BLOC1S5: variants seen among roughly 807,000 people sequenced by gnomAD.
BLOC1S5 encodes the protein biogenesis of lysosome-related organelles complex 1 subunit 5.
In BLOC1S5, 27 loss-of-function variants were observed where a neutral mutation model predicts 24.3. The ratio of observed to expected loss-of-function variants is 1.11; its 90% CI spans 0.82 to 1.53. BLOC1S5 has a LOEUF of 1.53. Among genes scored for constraint, BLOC1S5 ranks in the 40% most tolerant of loss-of-function variants. BLOC1S5 has a pLI of 0.00. For synonymous variants in BLOC1S5, 84 were observed against 74.5 expected, an observed-to-expected ratio of 1.13 and a Z score of -0.66; for missense variants, 239 against 229.4, an observed-to-expected ratio of 1.04 and a Z score of -0.27.
At chr6:8,046,433 TAAG>T (rs1319475472) in intron 2 of BLOC1S5, among the ~76,000 whole-genome samples, 4 of 152,104 alleles carry the variant, frequency 2.6e-5, no homozygotes, top group East Asian at 1.9e-4. Flanking sequence ...AAAATTAAAA[TAAG>T]AAGTTACTAA....
intron 3 of BLOC1S5, among the ~76,000 whole-genome samples, chr6:8,036,498 T>TAATAATGAATAACAATG (rs1327464878): frequency 6.6e-6 from 1 of 152,038 alleles, no homozygotes; most frequent in Non-Finnish European, 1.5e-5. Context: ...CTCAACAAAC[T>TAATAATGAATAACAATG]AATAATGAAT....
intron 2 of BLOC1S5, among the ~76,000 whole-genome samples, chr6:8,046,062 G>GT (rs1176761322): frequency 1.3e-5 from 2 of 152,158 alleles, no homozygotes; most frequent in Admixed American, 6.5e-5. Flanking sequence ...AACTTGAATT[G>GT]TATCTCCCAG....
At chr6:8,041,374 G>C (rs1416533690) in intron 2 of BLOC1S5, 106 bp from the exon 3 acceptor site, 1 of 1,153,694 alleles carries the variant, frequency 8.7e-7, no homozygotes, top group Non-Finnish European at 1.2e-6. Context: ...GTGCGGTGGT[G>C]TGATCTCAGC....
chr6:8,061,054 C>G (rs1764493304), intron 2 of BLOC1S5, among the ~76,000 whole-genome samples: 1 of 152,120 alleles, frequency 6.6e-6, no homozygotes. Flanking sequence ...TCTCAAACTC[C>G]TGACCTCAAG....
intron 3 of BLOC1S5, 104 bp downstream of exon 3, chr6:8,041,035 C>G (rs1273927845): frequency 1.2e-4 from 151 of 1,311,918 alleles, no homozygotes; most frequent in Non-Finnish European, 1.5e-4. Context: ...TGTAACTGAG[C>G]TTCCCTCTCC....
Position 8,062,611 on chromosome 6 carries a change from C to T in BLOC1S5, c.118G>A (p.Gly40Arg), listed in dbSNP as rs1425683389. 1.3e-6 allele frequency: 2 copies of T among 1,590,648 alleles called. No homozygotes were observed. Among genetic ancestry groups the T allele is most frequent in the South Asian group, 1.1e-5 (1 of 88,818 alleles). The change falls in exon 2 of 5, where the codon GGA (glycine) becomes AGA (arginine). Residue 40 changes from glycine to arginine, a missense_variant. Transcript: ENST00000397457. ...TCCAAAAGCCTTGAATGAATTTCTC[C>T]AAGATCTATAAAGATAAAATGAAAT... Reference protein sequence around the residue: ...GSAHLIIKDLGEIHSRLLDHR... With the variant: ...GSAHLIIKDLREIHSRLLDHR...
At chr6:8,053,395 G>A (rs1764197619) in intron 2 of BLOC1S5, among the ~76,000 whole-genome samples, 1 of 152,116 alleles carries the variant, frequency 6.6e-6, no homozygotes, top group South Asian at 2.1e-4. Context: ...CCAACCTTCT[G>A]CAACCACCAC....
At chr6:8,054,888 C>T (rs1424981511) in intron 2 of BLOC1S5, among the ~76,000 whole-genome samples, 1 of 152,174 alleles carries the variant, frequency 6.6e-6, no homozygotes, top group Admixed American at 6.5e-5. Context: ...CATTATCACA[C>T]ATATTTCAAT....
chr6:8,062,556 C>T lies in BLOC1S5; in HGVS notation c.173G>A (p.Arg58His), dbSNP rs370465146. 1.7e-5 allele frequency: 27 copies of T among 1,593,394 alleles called. No homozygotes were observed. In the African/African-American group the frequency reaches 2.6e-4, roughly 15 times the overall value. Residue 58 changes from arginine to histidine, a missense_variant, in exon 2 of 5, where the codon CGT (arginine) becomes CAT (histidine). Transcript: ENST00000397457. ...DHRPVIQGET[R>H]YFVKEFEEKR... ...CACTTCAAATTCTTTTACAAAATAACGAGTTTCACCTTGAATAACTGGTCT... is the reference window on the plus strand; with the variant it reads ...CACTTCAAATTCTTTTACAAAATAATGAGTTTCACCTTGAATAACTGGTCT...
rs1296783308 is a variant in BLOC1S5 at position 8,015,528 on chromosome 6, T to G, written c.*121A>C. The G allele has an allele frequency of 5.0e-6, 5 of 993,370 alleles. No individual in the cohort carries two copies. The highest frequency in any genetic ancestry group is 7.3e-6 in the Non-Finnish European group (5 of 688,972). 61.5% of individuals were successfully genotyped at this position (993,370 alleles called of 1,614,324 possible). ...CAGTAGAAACTTCTTTCTTCTGATATAAGAGTGCCACTGAATATATTGCTA... is the reference window on the plus strand; with the variant it reads ...CAGTAGAAACTTCTTTCTTCTGATAGAAGAGTGCCACTGAATATATTGCTA... On this transcript the variant is annotated 3_prime_UTR_variant, in exon 5 of 5. Coordinates refer to ENST00000397457, the MANE Select transcript of BLOC1S5 (RefSeq NM_201280.3).
At chr6:8,054,014 T>C (rs1764226534) in intron 2 of BLOC1S5, among the ~76,000 whole-genome samples, 1 of 152,158 alleles carries the variant, frequency 6.6e-6, no homozygotes, top group African/African-American at 2.4e-5. Flanking sequence ...TATTGGGACA[T>C]TTTGGATTTT....
chr6:8,031,173 A>C (rs897971489), intron 3 of BLOC1S5, among the ~76,000 whole-genome samples: 1 of 152,202 alleles, frequency 6.6e-6, no homozygotes, highest in Non-Finnish European at 1.5e-5. Context: ...CAAATCGGTA[A>C]AGAGGAAGTA....
At chr6:8,056,952 C>T (rs996729303) in intron 2 of BLOC1S5, among the ~76,000 whole-genome samples, 13 of 152,310 alleles carry the variant, frequency 8.5e-5, no homozygotes, top group Admixed American at 2.6e-4. Flanking sequence ...CGTGGTGGCT[C>T]ACGCCTGTAA....
intron 3 of BLOC1S5, among the ~76,000 whole-genome samples, chr6:8,031,200 CTGA>C (rs1358491838): frequency 6.6e-6 from 1 of 152,166 alleles, no homozygotes; most frequent in East Asian, 1.9e-4. Context: ...TCACTAGTCA[CTGA>C]TGATATTATC....
chr6:8,046,756 G>C (rs554805219), intron 2 of BLOC1S5, among the ~76,000 whole-genome samples: 1 of 147,886 alleles, frequency 6.8e-6, no homozygotes, highest in African/African-American at 2.5e-5. Context: ...ATTTCAACCT[G>C]TATCTTTTTT....
At chr6:8,057,946 C>CAG in intron 2 of BLOC1S5, among the ~76,000 whole-genome samples, 1 of 152,176 alleles carries the variant, frequency 6.6e-6, no homozygotes, top group East Asian at 1.9e-4. Context: ...TCTGAGCTCT[C>CAG]AAGTCTTTCG....
chr6:8,058,191 A>G (rs1764380753), intron 2 of BLOC1S5, among the ~76,000 whole-genome samples: 1 of 151,996 alleles, frequency 6.6e-6, no homozygotes, highest in African/African-American at 2.4e-5. Context: ...CCTTTTTGCT[A>G]CATGAAATGC....
At chr6:8,033,955 C>T (rs1300533159) in intron 3 of BLOC1S5, among the ~76,000 whole-genome samples, 3 of 152,126 alleles carry the variant, frequency 2.0e-5, no homozygotes, top group East Asian at 1.9e-4. Flanking sequence ...GTTAGAATGG[C>T]AATCATTAAA....
chr6:8,041,571 CA>C (rs1157417714), intron 2 of BLOC1S5, among the ~76,000 whole-genome samples: 1 of 151,462 alleles, frequency 6.6e-6, no homozygotes, highest in Admixed American at 6.6e-5. Flanking sequence ...CTCGGCCTCC[CA>C]AAGTGCTGGG....
Sources: allele counts gnomAD v4.1 joint callset (sites outside exome capture counted in the v4.1 genomes callset), GRCh38; gene constraint gnomAD v4.1.1; transcripts MANE v1.5; gene names NCBI Gene and HGNC (gene_info 2026-07-23, HGNC 2026-07-21).